DAB1: variants seen among roughly 807,000 people sequenced by gnomAD.
The protein encoded by DAB1 is disabled homolog 1.
In DAB1, 15 loss-of-function variants were observed where a neutral mutation model predicts 64.6. That is an observed-to-expected ratio of 0.23 (90% CI 0.16 to 0.36). DAB1 has a LOEUF of 0.36. DAB1 is among the 10% of genes least tolerant of loss of function. The pLI is 1.00. For synonymous variants in DAB1, 235 were observed against 251.9 expected, an observed-to-expected ratio of 0.93 and a Z score of 0.64; for missense variants, 596 against 706.7, an observed-to-expected ratio of 0.84 and a Z score of 1.78.
intron 5 of DAB1, among the ~76,000 whole-genome samples, chr1:58,027,782 G>A (rs1237304701): frequency 6.6e-6 from 1 of 152,070 alleles, no homozygotes; most frequent in African/African-American, 2.4e-5. Flanking sequence ...GGTTAGCACT[G>A]GGCCTGACAA....
chr1:57,130,920 AG>A (rs1657598129), intron 4 of DAB1, among the ~76,000 whole-genome samples: 1 of 152,240 alleles, frequency 6.6e-6, no homozygotes. Flanking sequence ...AATTACTAAC[AG>A]GTTTTTCATC....
intron 7 of DAB1, among the ~76,000 whole-genome samples, chr1:57,562,559 C>T (rs1269460221): frequency 6.6e-6 from 1 of 152,150 alleles, no homozygotes; most frequent in East Asian, 1.9e-4. Flanking sequence ...GTGGCATGTC[C>T]AGAAGGCCAT....
intron 7 of DAB1, among the ~76,000 whole-genome samples, chr1:57,601,826 G>T (rs1267482423): frequency 1.1e-4 from 17 of 152,102 alleles, no homozygotes; most frequent in Non-Finnish European, 2.2e-4. Context: ...CTATTTTTGT[G>T]TGTGTGTGTG....
At chr1:58,186,741 A>C (rs1197450299) in intron 4 of DAB1, among the ~76,000 whole-genome samples, 2 of 152,186 alleles carry the variant, frequency 1.3e-5, no homozygotes, top group Non-Finnish European at 1.5e-5. Flanking sequence ...ATGTCTGAGC[A>C]TTAACTGGAT....
In DAB1 at chr1:58,335,358, A is replaced by G. The variant is rs1246810261; in HGVS notation, n.309+7994T>C. 5.3e-5 allele frequency among the ~76,000 whole-genome samples: 8 copies of G among 152,362 alleles called. No homozygotes were observed. The South Asian group carries it at 1.0e-3, about 20-fold the overall frequency. On this transcript the variant is annotated intron_variant and non_coding_transcript_variant, in intron 4 of 20. Transcript: ENST00000485760. ...GGGGCCAAAACCTCAGGCAACTTACAGGACTTCAGGTTTTACCCTAAATAG... is the reference window on the plus strand; with the variant it reads ...GGGGCCAAAACCTCAGGCAACTTACGGGACTTCAGGTTTTACCCTAAATAG...
chr1:57,448,241 G>T (rs1400721856), intron 7 of DAB1, among the ~76,000 whole-genome samples: 5 of 152,158 alleles, frequency 3.3e-5, no homozygotes, highest in Non-Finnish European at 7.4e-5. Flanking sequence ...GTCTAAATAG[G>T]TGCACAAGGG....
chr1:57,479,704 T>G (rs1422633428), intron 7 of DAB1, among the ~76,000 whole-genome samples: 1 of 152,026 alleles, frequency 6.6e-6, no homozygotes, highest in Non-Finnish European at 1.5e-5. Context: ...CACAAAGACT[T>G]AAATAGCTGG....
At chr1:57,306,501 T>C (rs1674186324) in intron 1 of DAB1, among the ~76,000 whole-genome samples, 1 of 150,348 alleles carries the variant, frequency 6.7e-6, no homozygotes, top group South Asian at 2.1e-4. Flanking sequence ...TTCTTTTCTC[T>C]CTTAGAACAG....
Position 58,296,201 on chromosome 1 carries a change from GAA to G in DAB1, n.309+47149_309+47150del, listed in dbSNP as rs1661981322. On this transcript the variant is annotated intron_variant and non_coding_transcript_variant, in intron 4 of 20. Coordinates refer to the DAB1 transcript ENST00000485760. ...AGAAAGAAAGAGAAAGAAAGAGAAA[GAA>G]AGAAAGAAAGAAAGAAAGAAAGAAA... 1.4e-3 allele frequency among the ~76,000 whole-genome samples: 119 copies of G among 83,644 alleles called. 2 individuals are homozygous for G. The Middle Eastern group carries it at 0.036, about 25-fold the overall frequency. The allele number at this position is 83,644 out of a possible 152,430, so 54.9% of individuals were successfully genotyped here.
intron 1 of DAB1, among the ~76,000 whole-genome samples, chr1:57,383,264 T>C (rs1014499524): frequency 6.6e-6 from 1 of 152,192 alleles, no homozygotes; most frequent in African/African-American, 2.4e-5. Flanking sequence ...TAGCACATAC[T>C]GGTTTTGTTT....
chr1:57,921,451 C>T (rs1347248910), intron 5 of DAB1, among the ~76,000 whole-genome samples: 1 of 152,140 alleles, frequency 6.6e-6, no homozygotes, highest in Non-Finnish European at 1.5e-5. Flanking sequence ...GACTCCCTAA[C>T]TAGACATTAA....
chr1:57,212,027 A>G (rs960322877), intron 2 of DAB1, among the ~76,000 whole-genome samples: 1 of 152,192 alleles, frequency 6.6e-6, no homozygotes, highest in Non-Finnish European at 1.5e-5. Flanking sequence ...TACTGTGGCC[A>G]TAACTGTTGC....
intron 2 of DAB1, among the ~76,000 whole-genome samples, chr1:57,252,331 A>G (rs757719615): frequency 1.6e-4 from 25 of 152,224 alleles, no homozygotes; most frequent in Non-Finnish European, 7.3e-5. Flanking sequence ...AGCAACTCGT[A>G]GCTTACCCTG....
intron 5 of DAB1, among the ~76,000 whole-genome samples, chr1:58,051,242 CCT>C (rs952686784): frequency 3.3e-5 from 5 of 151,696 alleles, no homozygotes; most frequent in African/African-American, 7.3e-5. Context: ...TGTTCCCTGC[CCT>C]GTGTCCAAGT....
intron 7 of DAB1, among the ~76,000 whole-genome samples, chr1:57,525,889 G>T (rs1213671884): frequency 6.6e-6 from 1 of 150,632 alleles, no homozygotes; most frequent in African/African-American, 2.4e-5. Context: ...ATAGTTGATT[G>T]TTTTAAACCA....
chr1:58,543,265 T>C (rs886605851), intron 1 of DAB1, among the ~76,000 whole-genome samples: 8 of 152,222 alleles, frequency 5.3e-5, no homozygotes, highest in African/African-American at 1.9e-4. Context: ...TTTTTGTAAA[T>C]TGACAGCATT....
At chr1:57,760,042 G>A (rs939508203) in intron 6 of DAB1, among the ~76,000 whole-genome samples, 1 of 152,100 alleles carries the variant, frequency 6.6e-6, no homozygotes, top group African/African-American at 2.4e-5. Context: ...ACGGAAGGAA[G>A]CGATTCTCCA....
At chr1:58,494,843 T>C (rs1645767732) in intron 3 of DAB1, among the ~76,000 whole-genome samples, 1 of 152,302 alleles carries the variant, frequency 6.6e-6, no homozygotes, top group African/African-American at 2.4e-5. Flanking sequence ...AGTTCAAACA[T>C]TGTGGAAGTC....
chr1:57,920,856 C>T (rs957105009), intron 5 of DAB1, among the ~76,000 whole-genome samples: 1 of 152,168 alleles, frequency 6.6e-6, no homozygotes, highest in Non-Finnish European at 1.5e-5. Context: ...TATAAATTGG[C>T]ACAACCCTTT....
Sources: allele counts gnomAD v4.1 joint callset (sites outside exome capture counted in the v4.1 genomes callset), GRCh38; gene constraint gnomAD v4.1.1; transcripts MANE v1.5; gene names NCBI Gene and HGNC (gene_info 2026-07-23, HGNC 2026-07-21).